ACER3: variants seen among roughly 807,000 people sequenced by gnomAD.
ACER3 encodes alkaline ceramidase 3, also known as alkCDase 3.
A neutral mutation model predicts 48.9 loss-of-function variants in ACER3; 16 were observed. The ratio of observed to expected loss-of-function variants is 0.33; its 90% CI spans 0.22 to 0.50. ACER3 has a LOEUF of 0.50. Ranked by LOEUF, ACER3 falls within the 20% of genes least tolerant of loss-of-function variation. The pLI is 0.98. For missense variants in ACER3, 227 were observed against 326.0 expected (o/e 0.70, Z 2.34); for synonymous variants, 109 against 107.8 (o/e 1.01, Z -0.07).
intron 2 of ACER3, among the ~76,000 whole-genome samples, chr11:76,928,440 T>G: frequency 6.6e-6 from 1 of 152,258 alleles, no homozygotes; most frequent in Non-Finnish European, 1.5e-5. Context: ...TAGTTTCTTT[T>G]GCTGTGCAGA....
At chr11:76,866,883 A>G (rs1208707984) in intron 1 of ACER3, among the ~76,000 whole-genome samples, 1 of 152,186 alleles carries the variant, frequency 6.6e-6, no homozygotes, top group Non-Finnish European at 1.5e-5. Context: ...TAATGGAAGA[A>G]ATACTACATA....
chr11:76,967,721 G>A (rs1264022991), intron 3 of ACER3, among the ~76,000 whole-genome samples: 4 of 152,140 alleles, frequency 2.6e-5, no homozygotes, highest in Admixed American at 2.0e-4. Context: ...TGCAGCAAAG[G>A]CCTTTGACAA....
At chr11:76,868,387 CTCTCTGTGTGTG>C (rs1201525997) in intron 1 of ACER3, 5,267 of 414,442 alleles carry the variant, frequency 0.013, 22 homozygotes, top group Middle Eastern at 0.023. Context: ...CTCTCTCTCT[CTCTCTGTGTGTG>C]TGTGTGTGTG....
chr11:76,985,361 C>T (rs115829806), intron 4 of ACER3, among the ~76,000 whole-genome samples: 2,585 of 152,198 alleles, frequency 0.017, 78 homozygotes, highest in African/African-American at 0.06. Context: ...CACTGGCCAC[C>T]GCGCCCAGCT....
chr11:76,912,134 C>G (rs553975664), intron 1 of ACER3, among the ~76,000 whole-genome samples: 53 of 152,226 alleles, frequency 3.5e-4, no homozygotes, highest in Non-Finnish European at 6.5e-4. Flanking sequence ...AATTAAGGAT[C>G]TTGAGATTAA....
rs777668239 is a variant in ACER3, at chr11:76,962,460, TC to T, written c.267+3431del. 1.2e-4 allele frequency among the ~76,000 whole-genome samples: 18 copies of T among 151,160 alleles called. 1 individual carries two copies. Among genetic ancestry groups the T allele is most frequent in the Non-Finnish European group, 2.1e-4 (14 of 68,022 alleles). ...GTCTTGAACTCTTGACCTCAGATGA[TC>T]CACCCACCTGGCCTCCCAAAGTGCT... On this transcript the variant is annotated intron_variant, in intron 3 of 10. Coordinates refer to ENST00000532485, the MANE Select transcript of ACER3 (RefSeq NM_018367.7).
intron 1 of ACER3, among the ~76,000 whole-genome samples, chr11:76,912,566 A>T (rs1946406504): frequency 1.1e-5 from 1 of 90,398 alleles, no homozygotes; most frequent in African/African-American, 2.8e-5. Flanking sequence ...AAAAATTGTG[A>T]TCTCTATAGA....
intron 1 of ACER3, among the ~76,000 whole-genome samples, chr11:76,898,379 T>C (rs1311690614): frequency 6.6e-6 from 1 of 152,136 alleles, no homozygotes; most frequent in East Asian, 1.9e-4. Context: ...AGGTTTTGTT[T>C]GTTTGTTTTT....
At chr11:77,019,484 A>G (rs1055596716) in intron 9 of ACER3, 9 of 469,544 alleles carry the variant, frequency 1.9e-5, no homozygotes, top group African/African-American at 1.2e-4. Flanking sequence ...TGCTAAATAT[A>G]CTCTGCTTGT....
intron 1 of ACER3, among the ~76,000 whole-genome samples, chr11:76,924,553 C>T (rs1207461205): frequency 2.0e-5 from 3 of 151,776 alleles, no homozygotes; most frequent in Non-Finnish European, 4.4e-5. Flanking sequence ...TTCTGAATAA[C>T]TTGCCTTACA....
At chr11:76,995,502 G>A (rs192441259) in intron 6 of ACER3, among the ~76,000 whole-genome samples, 2 of 152,016 alleles carry the variant, frequency 1.3e-5, no homozygotes, top group East Asian at 3.9e-4. Context: ...GGAGTTTGGA[G>A]ACTGAAAACA....
At chr11:76,928,734 T>A (rs1274352672) in intron 2 of ACER3, among the ~76,000 whole-genome samples, 1 of 152,234 alleles carries the variant, frequency 6.6e-6, no homozygotes, top group African/African-American at 2.4e-5. Context: ...TCCCCATTTC[T>A]TGTTTTTGTC....
At chr11:76,992,518 G>A (rs2135233807) in intron 6 of ACER3, among the ~76,000 whole-genome samples, 1 of 152,280 alleles carries the variant, frequency 6.6e-6, no homozygotes, top group Middle Eastern at 3.4e-3. Context: ...TTGATAAGAA[G>A]AGAAGCAGGA....
intron 1 of ACER3, among the ~76,000 whole-genome samples, chr11:76,917,956 G>A (rs1946580251): frequency 6.6e-6 from 1 of 151,976 alleles, no homozygotes; most frequent in Non-Finnish European, 1.5e-5. Flanking sequence ...TCTGTCAGAA[G>A]CATAGCTTAA....
At chr11:76,901,725 A>C (rs1181157074) in intron 1 of ACER3, among the ~76,000 whole-genome samples, 1 of 152,144 alleles carries the variant, frequency 6.6e-6, no homozygotes, top group African/African-American at 2.4e-5. Flanking sequence ...TGGGGACTGC[A>C]TGCACCGGTA....
intron 1 of ACER3, among the ~76,000 whole-genome samples, chr11:76,902,387 A>G (rs941365481): frequency 6.6e-6 from 1 of 152,212 alleles, no homozygotes; most frequent in Non-Finnish European, 1.5e-5. Context: ...CTGCATTTCA[A>G]TACAAGATAA....
At position 77,015,041 on chromosome 11, in the gene ACER3, G is replaced by A. The variant is rs1306165597; in HGVS notation, c.523G>A (p.Gly175Ser). Reference sequence around the variant, plus strand: ...GGTTTATCCATGGCTTAGAGGACTGGGTTATACATCATTGGGTATATTTTT... The same window carrying A: ...GGTTTATCCATGGCTTAGAGGACTGAGTTATACATCATTGGGTATATTTTT... ...TWVYPWLRGL[G>S]YTSLGIFLLG... The change falls in exon 8 of 11, where the codon GGT becomes AGT. Residue 175 changes from glycine to serine, a missense_variant. Around this residue, in one of 3 missense-constraint regions of ACER3, gnomAD observed 195 missense variants for 290.8 expected, o/e 0.67. Transcript: ENST00000532485. 1 of 1,602,508 alleles carries A rather than the reference G, an allele frequency of 6.2e-7. No individual in the cohort carries two copies.
intron 1 of ACER3, among the ~76,000 whole-genome samples, chr11:76,862,839 C>T (rs889575863): frequency 6.6e-5 from 10 of 151,968 alleles, no homozygotes; most frequent in African/African-American, 1.9e-4. Flanking sequence ...TCAATATTTT[C>T]GAAGGAAAAA....
rs1305648033 is a variant in ACER3, at chr11:76,962,951, C to A, written c.267+3920C>A. 1.3e-5 allele frequency among the ~76,000 whole-genome samples: 2 copies of A among 151,310 alleles called. 1 individual carries two copies. The highest frequency in any genetic ancestry group is 4.9e-5 in the African/African-American group (2 of 40,618). ...GTTAGGTAAACGGTTAAGGCTGGTC[C>A]TTGGAAAAGCTGCCTGCCTGAAAAA... On this transcript the variant is annotated intron_variant, in intron 3 of 10. Transcript: ENST00000532485.
Sources: allele counts gnomAD v4.1 joint callset (sites outside exome capture counted in the v4.1 genomes callset), GRCh38; gene constraint gnomAD v4.1.1; regional missense constraint gnomAD v4.1.1; transcripts MANE v1.5; gene names NCBI Gene and HGNC (gene_info 2026-07-23, HGNC 2026-07-21).